Variants in MACROD2 observed in about 807,000 individuals in gnomAD.
MACROD2 encodes the protein ADP-ribose glycohydrolase MACROD2.
In MACROD2, 36 loss-of-function variants were observed where a neutral mutation model predicts 70.4. That is an observed-to-expected ratio of 0.51 (90% CI 0.39 to 0.68). The LOEUF (loss-of-function observed/expected upper bound fraction) is 0.68. MACROD2 is among the 30% of genes least tolerant of loss of function. MACROD2 has a pLI of 0.00. For synonymous variants in MACROD2, 172 were observed against 178.8 expected (o/e 0.96, Z 0.30); for missense variants, 496 against 538.4 (o/e 0.92, Z 0.78).
chr20:14,592,984 A>C (rs902659156), intron 4 of MACROD2, among the ~76,000 whole-genome samples: 1 of 152,164 alleles, frequency 6.6e-6, no homozygotes, highest in Non-Finnish European at 1.5e-5. Context: ...AGTCTACATT[A>C]GGCCTCAAAA....
At chr20:14,886,809 GAAGT>G (rs1242991976) in intron 5 of MACROD2, among the ~76,000 whole-genome samples, 1 of 152,102 alleles carries the variant, frequency 6.6e-6, no homozygotes, top group Non-Finnish European at 1.5e-5. Flanking sequence ...ATGAGGAAAT[GAAGT>G]AAGAACAGAA....
chr20:14,156,588 A>T (rs1368884688), intron 3 of MACROD2, among the ~76,000 whole-genome samples: 1 of 152,220 alleles, frequency 6.6e-6, no homozygotes, highest in Non-Finnish European at 1.5e-5. Flanking sequence ...TCATTCAAAA[A>T]GTTTAGTTTA....
At chr20:14,356,466 A>G (rs1290499442) in intron 3 of MACROD2, among the ~76,000 whole-genome samples, 11 of 145,992 alleles carry the variant, frequency 7.5e-5, no homozygotes, top group African/African-American at 1.0e-4. Flanking sequence ...ATCAACTGAG[A>G]TGGCTCACCT....
chr20:14,771,557 G>A (rs1314648267), intron 5 of MACROD2, among the ~76,000 whole-genome samples: 1 of 151,178 alleles, frequency 6.6e-6, no homozygotes, highest in Admixed American at 6.6e-5. Context: ...TTGTATGAAT[G>A]TCACAATATA....
intron 6 of MACROD2, among the ~76,000 whole-genome samples, chr20:15,409,059 T>C (rs1432930382): frequency 2.6e-5 from 4 of 152,218 alleles, no homozygotes; most frequent in Non-Finnish European, 5.9e-5. Flanking sequence ...ATAAGAAAAT[T>C]AAATTACTAT....
intron 3 of MACROD2, among the ~76,000 whole-genome samples, chr20:14,156,328 G>A (rs974234101): frequency 3.3e-5 from 5 of 152,000 alleles, no homozygotes; most frequent in African/African-American, 7.2e-5. Flanking sequence ...GGAATGTATT[G>A]TCCCCTTAGC....
At chr20:15,291,128 G>A (rs74179771) in intron 6 of MACROD2, among the ~76,000 whole-genome samples, 299 of 152,266 alleles carry the variant, frequency 2.0e-3, no homozygotes, top group Non-Finnish European at 3.3e-3. Flanking sequence ...CTGCTCCCTG[G>A]GAATCAGTAA....
intron 3 of MACROD2, among the ~76,000 whole-genome samples, chr20:14,382,677 TATAAATAA>T (rs746201530): frequency 2.3e-4 from 19 of 82,500 alleles, no homozygotes; most frequent in African/African-American, 5.4e-4. Flanking sequence ...TCAAAAAAGA[TATAAATAA>T]ATAAATAAAT....
At chr20:15,385,511 A>T (rs1486296532) in intron 6 of MACROD2, among the ~76,000 whole-genome samples, 1 of 152,116 alleles carries the variant, frequency 6.6e-6, no homozygotes, top group African/African-American at 2.4e-5. Context: ...GGACATACTT[A>T]CCTGTTTATT....
In MACROD2 at chr20:15,258,393, A is replaced by C. The variant is rs149033882; in HGVS notation, c.540+28332A>C. ...AAGCTCCCTTCATGGCAAGTGCCCT[A>C]CACAGGTGTACCCTTTAAAGAAATC... On this transcript the variant is annotated intron_variant, in intron 6 of 17. Coordinates refer to ENST00000684519, the MANE Select transcript of MACROD2 (RefSeq NM_001351661.2). Among the ~76,000 whole-genome samples the C allele has an allele frequency of 5.7e-3, 874 of 152,232 alleles. 11 individuals carry two copies. Among genetic ancestry groups the C allele is most frequent in the African/African-American group, 0.019 (792 of 41,558 alleles).
intron 3 of MACROD2, among the ~76,000 whole-genome samples, chr20:14,104,021 T>A (rs2054335347): frequency 1.3e-5 from 2 of 152,056 alleles, no homozygotes; most frequent in South Asian, 4.1e-4. Context: ...TACATGTATA[T>A]CTTATATCTA....
intron 3 of MACROD2, among the ~76,000 whole-genome samples, chr20:14,125,463 A>C (rs887490120): frequency 2.0e-5 from 3 of 152,146 alleles, no homozygotes; most frequent in Admixed American, 6.5e-5. Flanking sequence ...TTTAAAATTC[A>C]TAATGCTTTT....
intron 5 of MACROD2, among the ~76,000 whole-genome samples, chr20:14,771,741 C>A (rs1303691294): frequency 7.5e-6 from 1 of 133,838 alleles, no homozygotes; most frequent in Non-Finnish European, 1.6e-5. Context: ...TTATCCTACA[C>A]ACACACACAC....
intron 8 of MACROD2, among the ~76,000 whole-genome samples, chr20:15,651,129 A>G (rs1409814711): frequency 6.6e-6 from 1 of 152,238 alleles, no homozygotes; most frequent in East Asian, 1.9e-4. Flanking sequence ...GGTAAACACC[A>G]ACTTCTGAGG....
At chr20:15,570,094 A>G (rs1193152984) in intron 8 of MACROD2, among the ~76,000 whole-genome samples, 1 of 152,162 alleles carries the variant, frequency 6.6e-6, no homozygotes, top group Non-Finnish European at 1.5e-5. Context: ...TGAAATTTGT[A>G]TAATATATGA....
chr20:14,668,459 C>T (rs1227359228), intron 4 of MACROD2, among the ~76,000 whole-genome samples: 1 of 152,048 alleles, frequency 6.6e-6, no homozygotes, highest in African/African-American at 2.4e-5. Context: ...AGGTGGGGCT[C>T]CACTGACATT....
intron 3 of MACROD2, among the ~76,000 whole-genome samples, chr20:14,107,492 A>G (rs1049539688): frequency 3.3e-5 from 5 of 152,178 alleles, no homozygotes; most frequent in African/African-American, 4.8e-5. Flanking sequence ...ATTCAAAGGA[A>G]CAATATCAGA....
chr20:14,535,937 G>A (rs982790560), intron 4 of MACROD2, among the ~76,000 whole-genome samples: 2 of 152,052 alleles, frequency 1.3e-5, no homozygotes, highest in Non-Finnish European at 2.9e-5. Flanking sequence ...TGTTTATGGA[G>A]AATTGTTTAC....
At chr20:15,737,554 A>G (rs1015365530) in intron 8 of MACROD2, among the ~76,000 whole-genome samples, 1 of 152,212 alleles carries the variant, frequency 6.6e-6, no homozygotes, top group African/African-American at 2.4e-5. Flanking sequence ...GTGCATGAAA[A>G]TGTTCAGGTC....
Sources: gnomAD v4.1 joint callset for allele counts (sites outside exome capture counted in the v4.1 genomes callset) on GRCh38, gnomAD v4.1.1 for gene constraint, MANE v1.5 for transcripts, NCBI Gene and HGNC (gene_info 2026-07-23, HGNC 2026-07-21) for gene names.